GDF10: variants seen among roughly 807,000 people sequenced by gnomAD.
GDF10 encodes growth differentiation factor 10.
GDF10 carries 23 observed loss-of-function variants against 32.1 expected under a neutral mutation model. The observed-to-expected ratio is 0.72, with a 90% CI of 0.52 to 1.02. The LOEUF (loss-of-function observed/expected upper bound fraction) is 1.02. Ranked by LOEUF, GDF10 falls within the 50% of genes least tolerant of loss-of-function variation. The probability of loss-of-function intolerance (pLI) is 0.00; values close to 1 mark genes in which losing one functional copy is unlikely to be tolerated. For missense variants in GDF10, 764 were observed against 673.9 expected, an observed-to-expected ratio of 1.13 and a Z score of -1.48; for synonymous variants, 328 against 303.1, an observed-to-expected ratio of 1.08 and a Z score of -0.85.
In GDF10 at chr10:47,300,704, TG is replaced by T; in HGVS notation, c.54del (p.Leu19CysfsTer101). The T allele has an allele frequency of 6.3e-7, 1 of 1,597,186 alleles. No homozygotes were observed. Among genetic ancestry groups the T allele is most frequent in the Non-Finnish European group, 8.5e-7 (1 of 1,174,364 alleles). On this transcript the variant is annotated frameshift_variant, in exon 1 of 3. Transcript: ENST00000580279. LOFTEE classifies it high-confidence loss of function. ...CCGGGACCCGGGCCCCAGCTGCTGC[TG>T]CTGCTGCTGCCGTTGTTTCTGCTGT... The part of the protein sequence containing the change: ...TSPGPGPQLL[L>X]LLLPLFLLLL...
chr10:47,309,997 T>C lies in GDF10; in HGVS notation c.521T>C (p.Phe174Ser), dbSNP rs1555207442. ...LGPPTRQHLL[F>S]RSLSQNTATQ... ...CCGCCCACACGCCAGCACCTGCTCT[T>C]CCGCAGCCTCTCGCAGAACACGGCC... is the stretch of plus-strand genomic sequence containing the variant. Residue 174 changes from phenylalanine to serine, a missense_variant, in exon 2 of 3, where the codon TTC (phenylalanine) becomes TCC (serine). Physicochemically the swap from Phe to Ser is radical, Grantham distance 155. Transcript: ENST00000580279. The C allele has an allele frequency of 6.2e-7, 1 of 1,610,496 alleles. No homozygotes were observed. The highest frequency in any genetic ancestry group is 8.5e-7 in the Non-Finnish European group (1 of 1,178,656).
At chr10:47,312,564 G>A (rs743509) in intron 2 of GDF10, 37 bp from the exon 3 acceptor site, 871,834 of 1,408,620 alleles carry the variant, frequency 0.62, 280,286 homozygotes, top group Non-Finnish European at 0.66. Flanking sequence ...GGGTGAGGGC[G>A]GAGCTGAGGT....
intron 1 of GDF10, among the ~76,000 whole-genome samples, chr10:47,304,634 C>T (rs1298043908): frequency 6.6e-6 from 1 of 152,002 alleles, no homozygotes. Flanking sequence ...TCTATATCTC[C>T]ATTGTTTTAC....
Position 47,300,331 on chromosome 10 carries a change from G to C in GDF10, c.-321G>C. The C allele has an allele frequency of 4.0e-6, 1 of 253,154 alleles. No homozygotes were observed. The highest frequency in any genetic ancestry group is 7.5e-6 in the Non-Finnish European group (1 of 133,920). The allele number at this position is 253,154 out of a possible 1,614,324, so 15.7% of individuals were successfully genotyped here. On this transcript the variant is annotated 5_prime_UTR_variant, in exon 1 of 3. Coordinates refer to ENST00000580279, the MANE Select transcript of GDF10 (RefSeq NM_004962.5). ...CCGCCCCGCCCCTCGAAGCAGCCGG[G>C]CCGGGCGCGCAGTGGGCTACAAACT...
chr10:47,312,983 C>T lies in GDF10; in HGVS notation c.*191C>T, dbSNP rs562909946. On this transcript the variant is annotated 3_prime_UTR_variant, in exon 3 of 3. Coordinates refer to ENST00000580279, the MANE Select transcript of GDF10 (RefSeq NM_004962.5). Reference sequence around the variant, plus strand: ...TTGCTAGTGACTAGCCCCTTAAATGCCAGCCTGAGTACCTGAAGGAATCTG... The same window carrying T: ...TTGCTAGTGACTAGCCCCTTAAATGTCAGCCTGAGTACCTGAAGGAATCTG... The T allele has an allele frequency of 4.4e-5, 19 of 432,068 alleles. No individual in the cohort carries two copies. The South Asian group carries it at 1.2e-3, about 27-fold the overall frequency. 26.8% of individuals were successfully genotyped at this position (432,068 alleles called of 1,614,324 possible). A position where few individuals can be genotyped will look rare whatever the true frequency, so the allele number is the denominator to read the frequency against.
At chr10:47,304,885 A>T (rs1305418961) in intron 1 of GDF10, among the ~76,000 whole-genome samples, 1 of 152,098 alleles carries the variant, frequency 6.6e-6, no homozygotes, top group African/African-American at 2.4e-5. Flanking sequence ...CCTTTGTCCT[A>T]CTGATATGCA....
In GDF10 at chr10:47,310,686, T is replaced by G. The variant is rs1555207692; in HGVS notation, c.1210T>G (p.Tyr404Asp). 1 of 1,613,848 alleles carries G rather than the reference T, an allele frequency of 6.2e-7. No homozygotes were observed. The highest frequency in any genetic ancestry group is 8.5e-7 in the Non-Finnish European group (1 of 1,179,718). ...CTCACCGAAATCTTTTGATGCCTACTACTGCGCGGGAGCATGTGAGTTCCC... is the reference window on the plus strand; with the variant it reads ...CTCACCGAAATCTTTTGATGCCTACGACTGCGCGGGAGCATGTGAGTTCCC... ...IISPKSFDAY[Y>D]CAGACEFPMP... The change falls in exon 2 of 3, where the codon TAC (tyrosine) becomes GAC (aspartate). Residue 404 changes from tyrosine to aspartate, a missense_variant. By Grantham distance (160) the Tyr-to-Asp change is radical (BLOSUM62 -3). Transcript: ENST00000580279.
chr10:47,304,214 G>A (rs2061014423), intron 1 of GDF10, among the ~76,000 whole-genome samples: 1 of 152,172 alleles, frequency 6.6e-6, no homozygotes, highest in Non-Finnish European at 1.5e-5. Context: ...AACGCAAGGA[G>A]AGAAAGGCAG....
intron 2 of GDF10, among the ~76,000 whole-genome samples, chr10:47,312,266 C>G (rs1555207833): frequency 6.6e-6 from 1 of 152,204 alleles, no homozygotes; most frequent in African/African-American, 2.4e-5. Flanking sequence ...GCAGCTTCTG[C>G]CTGCTTCCTG....
Position 47,310,669 on chromosome 10 carries a change from A to C in GDF10, c.1193A>C (p.Lys398Thr). Residue 398 changes from lysine to threonine, a missense_variant, in exon 2 of 3, where the codon AAA (lysine) becomes ACA (threonine). Coordinates refer to ENST00000580279, the MANE Select transcript of GDF10 (RefSeq NM_004962.5). ...IGWNEWIISP[K>T]SFDAYYCAGA... ...TGGAATGAATGGATAATCTCACCGA[A>C]ATCTTTTGATGCCTACTACTGCGCG... The C allele has an allele frequency of 6.2e-7, 1 of 1,614,088 alleles. No individual in the cohort carries two copies. The highest frequency in any genetic ancestry group is 1.3e-5 in the African/African-American group (1 of 75,040).
Position 47,309,987 on chromosome 10 carries a change from C to G in GDF10, c.511C>G (p.His171Asp). The change falls in exon 2 of 3, where the codon CAC becomes GAC. Residue 171 changes from histidine to aspartate, a missense_variant. Coordinates refer to ENST00000580279, the MANE Select transcript of GDF10 (RefSeq NM_004962.5). The stretch of plus-strand genomic sequence containing the variant: ...GCCCCTGGGCCCGCCCACACGCCAG[C>G]ACCTGCTCTTCCGCAGCCTCTCGCA... ...PLPLGPPTRQ[H>D]LLFRSLSQNT... The G allele has an allele frequency of 6.2e-7, 1 of 1,611,128 alleles. No individual in the cohort carries two copies. Among genetic ancestry groups the G allele is most frequent in the Non-Finnish European group, 8.5e-7 (1 of 1,178,840 alleles).
chr10:47,303,537 T>C (rs1165322258), intron 1 of GDF10, among the ~76,000 whole-genome samples: 1 of 152,220 alleles, frequency 6.6e-6, no homozygotes, highest in East Asian at 1.9e-4. Context: ...ATATGTCAAG[T>C]GCTTACACCA....
intron 2 of GDF10, 148 bp from the exon 3 acceptor site, chr10:47,312,453 C>G: frequency 2.3e-6 from 1 of 435,482 alleles, no homozygotes; most frequent in Non-Finnish European, 4.0e-6. Context: ...CTTGGGATCT[C>G]GTCCATTCCT....
rs1375417296 is a variant in GDF10, at chr10:47,309,865, C to G, written c.389C>G (p.Thr130Arg). Reference sequence around the variant, plus strand: ...ATGCAAGACTCGGAAATGATCCTTACGGCCACTTTCCACTTCTACTCAGAG... The same window carrying G: ...ATGCAAGACTCGGAAATGATCCTTAGGGCCACTTTCCACTTCTACTCAGAG... ...TSMQDSEMIL[T>R]ATFHFYSEPP... The change falls in exon 2 of 3, where the codon ACG becomes AGG. Residue 130 changes from threonine to arginine, a missense_variant. Physicochemically the swap from Thr to Arg is moderately conservative, Grantham distance 71 (BLOSUM62 -1). Transcript: ENST00000580279. 12 of 1,612,632 alleles carry G rather than the reference C, an allele frequency of 7.4e-6. No homozygotes were observed. Among genetic ancestry groups the G allele is most frequent in the Non-Finnish European group, 9.3e-6 (11 of 1,179,492 alleles).
Position 47,300,985 on chromosome 10 carries a change from C to A in GDF10, c.319+15C>A. 7.0e-7 allele frequency: 1 copy of A among 1,430,736 alleles called. No homozygotes were observed. Among genetic ancestry groups the A allele is most frequent in the Non-Finnish European group, 9.2e-7 (1 of 1,091,362 alleles). The allele number at this position is 1,430,736 out of a possible 1,614,324, so 88.6% of individuals were successfully genotyped here. On this transcript the variant is annotated intron_variant, in intron 1 of 2. Transcript: ENST00000580279. ...GGCCAGGCTGGGTAAGTAGAGGGTG[C>A]CCCAGGACCCCTTCTCCTCATTCTC...
In GDF10 at chr10:47,309,789, C is replaced by T. The variant is rs782610689; in HGVS notation, c.320-7C>T. ...TTCACAGCCTGTGGTCTCTCCTTCC[C>T]TCACAGAAGTGGTCGACCAGAAGGC... On this transcript the variant is annotated splice_region_variant and splice_polypyrimidine_tract_variant and intron_variant, in intron 1 of 2. Transcript: ENST00000580279. The T allele has an allele frequency of 4.4e-6, 7 of 1,594,064 alleles. No individual in the cohort carries two copies. Among genetic ancestry groups the T allele is most frequent in the Non-Finnish European group, 5.2e-6 (6 of 1,164,816 alleles).
At position 47,306,853 on chromosome 10, in the gene GDF10, C is replaced by T. The variant is rs577150597; in HGVS notation, c.320-2943C>T. Reference sequence around the variant, plus strand: ...TGGAAGGAGAAGAACGCCAGTGTGACGGGGGCAGAGGGGTGGGGTTGGGCT... The same window carrying T: ...TGGAAGGAGAAGAACGCCAGTGTGATGGGGGCAGAGGGGTGGGGTTGGGCT... On this transcript the variant is annotated intron_variant, in intron 1 of 2. Coordinates refer to ENST00000580279, the MANE Select transcript of GDF10 (RefSeq NM_004962.5). 4.0e-5 allele frequency among the ~76,000 whole-genome samples: 6 copies of T among 151,604 alleles called. No homozygotes were observed. The South Asian group carries it at 8.4e-4, about 21-fold the overall frequency.
Position 47,310,316 on chromosome 10 carries a change from C to G in GDF10, c.840C>G (p.Pro280=), listed in dbSNP as rs577857695. ...PAGDPEPRAA[P]NNSADPRVRR... ...GAGACCCCGAGCCCCGCGCAGCCCC[C>G]AACAACTCAGCGGACCCCCGCGTGC... The change falls in exon 2 of 3, where the codon CCC becomes CCG. Residue 280 remains proline (P), a synonymous_variant. Coordinates refer to ENST00000580279, the MANE Select transcript of GDF10 (RefSeq NM_004962.5). 3.4e-5 allele frequency: 55 copies of G among 1,608,262 alleles called. No individual in the cohort carries two copies. The highest frequency in any genetic ancestry group is 4.3e-5 in the Non-Finnish European group (51 of 1,177,842).
intron 2 of GDF10, among the ~76,000 whole-genome samples, chr10:47,312,373 C>G (rs1327916853): frequency 6.6e-6 from 1 of 152,208 alleles, no homozygotes; most frequent in Non-Finnish European, 1.5e-5. Flanking sequence ...GCAGGAAGGC[C>G]TGGGGGCTCT....
Sources: allele counts gnomAD v4.1 joint callset (sites outside exome capture counted in the v4.1 genomes callset), GRCh38; gene constraint gnomAD v4.1.1; transcripts MANE v1.5; gene names NCBI Gene and HGNC (gene_info 2026-07-23, HGNC 2026-07-21).